Variants in GPR4 observed in about 807,000 individuals in gnomAD.
GPR4 encodes G-prodeshotein coupled receptor 4.
A neutral mutation model predicts 17.8 loss-of-function variants in GPR4; 11 were observed. The observed-to-expected ratio is 0.62, with a 90% CI of 0.39 to 1.02. GPR4 has a LOEUF of 1.02. GPR4 is among the 50% of genes least tolerant of loss of function. The pLI is 0.00. For missense variants in GPR4, 364 were observed against 495.4 expected (o/e 0.73, Z 2.52); for synonymous variants, 219 against 222.8 (o/e 0.98, Z 0.15).
At chr19:45,601,029 C>T (rs1485089637) in intron 1 of GPR4, among the ~76,000 whole-genome samples, 1 of 152,138 alleles carries the variant, frequency 6.6e-6, no homozygotes, top group South Asian at 2.1e-4. Flanking sequence ...CTCATCCTCA[C>T]CCCAAACCTG....
chr19:45,598,543 C>T lies in GPR4; in HGVS notation c.-832+3552G>A, dbSNP rs567164732. ...TCCTCCCCAACCTGCTGGCATCTTGCGGATGCTGGACATGGGGGGGAGGGG... is the reference window on the plus strand; with the variant it reads ...TCCTCCCCAACCTGCTGGCATCTTGTGGATGCTGGACATGGGGGGGAGGGG... On this transcript the variant is annotated intron_variant, in intron 1 of 1. Transcript: ENST00000323040. Among the ~76,000 whole-genome samples, 7 of 152,236 alleles carry T rather than the reference C, an allele frequency of 4.6e-5. No homozygotes were observed. The South Asian group carries it at 8.3e-4, about 18-fold the overall frequency.
intron 1 of GPR4, among the ~76,000 whole-genome samples, chr19:45,593,023 C>T (rs1055577440): frequency 2.6e-5 from 4 of 151,666 alleles, no homozygotes; most frequent in African/African-American, 9.7e-5. Context: ...GAGACCCAGT[C>T]TCTACAAAAA....
chr19:45,590,889 TG>T lies in GPR4; in HGVS notation c.977del (p.Pro326HisfsTer13), dbSNP rs1467810788. The T allele has an allele frequency of 1.9e-6, 3 of 1,613,770 alleles. No individual in the cohort carries two copies. In the African/African-American group the frequency reaches 4.0e-5, roughly 22 times the overall value. On this transcript the variant is annotated frameshift_variant, in exon 2 of 2. Transcript: ENST00000323040. LOFTEE classifies it low-confidence loss of function (END_TRUNC). ...CTGTGCTGTTCCTCTTGGAGGTGAGTGGGGTCTCCAGGGTGAGCGAGGCATT... is the reference window on the plus strand; with the variant it reads ...CTGTGCTGTTCCTCTTGGAGGTGAGTGGGTCTCCAGGGTGAGCGAGGCATT... ...MANASLTLET[P>X]LTSKRNSTAK...
intron 1 of GPR4, among the ~76,000 whole-genome samples, chr19:45,596,550 T>TTTTCTTTC (rs368380974): frequency 6.6e-6 from 1 of 151,648 alleles, no homozygotes; most frequent in Non-Finnish European, 1.5e-5. Context: ...TCTTCTTTTC[T>TTTTCTTTC]TTTCTTTCTT....
chr19:45,592,818 GC>G (rs1970012436), intron 1 of GPR4, 121 bp from the exon 2 acceptor site: 1 of 157,038 alleles, frequency 6.4e-6, no homozygotes, highest in South Asian at 2.1e-4. Flanking sequence ...GCCTACTTCA[GC>G]CCCATCCTAA....
chr19:45,594,425 A>G (rs1970036689), intron 1 of GPR4, among the ~76,000 whole-genome samples: 1 of 149,354 alleles, frequency 6.7e-6, no homozygotes, highest in South Asian at 2.1e-4. Flanking sequence ...CCGTCTCAAA[A>G]AAAAAAAAAA....
rs774548526 is a variant in GPR4 at position 45,600,053 on chromosome 19, C to T, written c.-832+2042G>A. Among the ~76,000 whole-genome samples the T allele has an allele frequency of 8.5e-5, 13 of 152,282 alleles. No individual in the cohort carries two copies. The East Asian group carries it at 1.5e-3, about 18-fold the overall frequency. ...CTTCCTTTTCTTTCCCCCCTTCTCT[C>T]GCCTGCTTTTGAACATTCCAGCAGC... On this transcript the variant is annotated intron_variant, in intron 1 of 1. Transcript: ENST00000323040.
intron 1 of GPR4, among the ~76,000 whole-genome samples, chr19:45,598,510 C>T (rs1970080670): frequency 6.6e-6 from 1 of 152,114 alleles, no homozygotes; most frequent in South Asian, 2.1e-4. Flanking sequence ...CCTCCTCCCT[C>T]CCACCCCTCC....
intron 1 of GPR4, among the ~76,000 whole-genome samples, chr19:45,598,016 T>G (rs2122548911): frequency 6.6e-6 from 1 of 151,964 alleles, no homozygotes; most frequent in Non-Finnish European, 1.5e-5. Context: ...GTCCCTCCCT[T>G]CCACTTGAAA....
rs921781658 is a variant in GPR4 at position 45,592,686 on chromosome 19, T to C, written c.-820A>G. The C allele has an allele frequency of 6.0e-6, 1 of 166,998 alleles. No individual in the cohort carries two copies. Among genetic ancestry groups the C allele is most frequent in the Non-Finnish European group, 1.5e-5 (1 of 68,230 alleles). 10.3% of individuals were successfully genotyped at this position (166,998 alleles called of 1,614,324 possible). A position where few individuals can be genotyped will look rare whatever the true frequency, so the allele number is the denominator to read the frequency against. On this transcript the variant is annotated 5_prime_UTR_variant, in exon 2 of 2. Transcript: ENST00000323040. ...GATTGGGATGAAGTCAGTTCACCGC[T>C]GACTGCAGTGCCTGTTGGGAGAGAG... is the stretch of plus-strand genomic sequence containing the variant.
Position 45,591,000 on chromosome 19 carries a change from G to T in GPR4, c.867C>A (p.Val289=). The T allele has an allele frequency of 6.2e-7, 1 of 1,613,948 alleles. No individual in the cohort carries two copies. ...CVADPILYCL[V]NEGARSDVAK... Reference sequence around the variant, plus strand: ...CCACATCGCTGCGGGCGCCCTCGTTGACCAGGCAGTAGAGGATGGGGTCCG... The same window carrying T: ...CCACATCGCTGCGGGCGCCCTCGTTTACCAGGCAGTAGAGGATGGGGTCCG... The change falls in exon 2 of 2, where the codon GTC becomes GTA. Residue 289 remains valine (V), a synonymous_variant. Transcript: ENST00000323040.
intron 1 of GPR4, among the ~76,000 whole-genome samples, chr19:45,595,341 C>T (rs1970047440): frequency 2.0e-5 from 3 of 151,382 alleles, no homozygotes; most frequent in Admixed American, 6.6e-5. Flanking sequence ...CAGAAAAGGG[C>T]CCTGGGCTGC....
chr19:45,601,641 A>G (rs1174255228), intron 1 of GPR4, among the ~76,000 whole-genome samples: 1 of 152,154 alleles, frequency 6.6e-6, no homozygotes, highest in Non-Finnish European at 1.5e-5. Flanking sequence ...AGAAAGAGAC[A>G]GGGCAATAGA....
chr19:45,590,710 C>T lies in GPR4; in HGVS notation c.*68G>A. ...GCCCTTTTTCCATACAATTTGCATA[C>T]ACCAGACCAGGAGAGAAGGGACTGT... is the stretch of plus-strand genomic sequence containing the variant. On this transcript the variant is annotated 3_prime_UTR_variant, in exon 2 of 2. Transcript: ENST00000323040. 3.3e-6 allele frequency: 5 copies of T among 1,506,652 alleles called. No homozygotes were observed. Among genetic ancestry groups the T allele is most frequent in the Non-Finnish European group, 4.5e-6 (5 of 1,123,312 alleles). 93.3% of individuals were successfully genotyped at this position (1,506,652 alleles called of 1,614,324 possible).
Position 45,591,999 on chromosome 19 carries a change from A to G in GPR4, c.-133T>C, listed in dbSNP as rs566537073. The G allele has an allele frequency of 5.1e-6, 5 of 982,456 alleles. No individual in the cohort carries two copies. The highest frequency in any genetic ancestry group is 7.3e-6 in the Non-Finnish European group (5 of 681,908). The allele number at this position is 982,456 out of a possible 1,614,324, so 60.9% of individuals were successfully genotyped here. On this transcript the variant is annotated 5_prime_UTR_variant, in exon 2 of 2. Transcript: ENST00000323040. This position sits in a 1 kb window ranked among gnomAD's most constrained non-coding sequence, Gnocchi z 7.6. Reference sequence around the variant, plus strand: ...GGGAACATGGTGGGATGTGGTCTACAGGGAAGAGATGAGGTTGGGTAGGCT... The same window carrying G: ...GGGAACATGGTGGGATGTGGTCTACGGGGAAGAGATGAGGTTGGGTAGGCT...
chr19:45,590,399 ATGGTGGCTCACATTTG>A lies in GPR4; in HGVS notation c.*363_*378del. The A allele has an allele frequency of 5.3e-6, 1 of 186,994 alleles. No individual in the cohort carries two copies. Among genetic ancestry groups the A allele is most frequent in the East Asian group, 1.4e-4 (1 of 7,316 alleles). The allele number at this position is 186,994 out of a possible 1,614,324, so 11.6% of individuals were successfully genotyped here. On this transcript the variant is annotated 3_prime_UTR_variant, in exon 2 of 2. Coordinates refer to ENST00000323040, the MANE Select transcript of GPR4 (RefSeq NM_005282.3). ...CAAAAAGTACAAAAATTAGCCAGGC[ATGGTGGCTCACATTTG>A]TGGTCCCAGCTACTCGGGAGGCTGA...
rs530426189 is a variant in GPR4, at chr19:45,599,434, C to T, written c.-832+2661G>A. Among the ~76,000 whole-genome samples the T allele has an allele frequency of 4.0e-5, 6 of 151,834 alleles. No homozygotes were observed. The East Asian group carries it at 9.7e-4, about 24-fold the overall frequency. ...GGGCTCCTGCTCCCACCACCCCCCC[C>T]TCCCCGCCTTCTCCCTGCAGCCCCA... On this transcript the variant is annotated intron_variant, in intron 1 of 1. Transcript: ENST00000323040.
intron 1 of GPR4, among the ~76,000 whole-genome samples, chr19:45,593,651 G>C (rs954210863): frequency 2.6e-5 from 4 of 151,984 alleles, no homozygotes; most frequent in Non-Finnish European, 4.4e-5. Flanking sequence ...GGAAATGCCA[G>C]ACTAGTCTAA....
chr19:45,598,342 C>T (rs79664224), intron 1 of GPR4, among the ~76,000 whole-genome samples: 13,595 of 152,104 alleles, frequency 0.089, 1,022 homozygotes, highest in African/African-American at 0.19. Flanking sequence ...AGACACCCAC[C>T]GAGGGCTAGA....
Sources: allele counts gnomAD v4.1 joint callset (sites outside exome capture counted in the v4.1 genomes callset), GRCh38; gene constraint gnomAD v4.1.1; non-coding constraint Gnocchi (gnomAD v3.1); transcripts MANE v1.5; gene names NCBI Gene and HGNC (gene_info 2026-07-23, HGNC 2026-07-21).